Variants in PKD1L1 observed in about 807,000 individuals in gnomAD.
PKD1L1 encodes polycystin 1 like 1, transient receptor potential channel interacting.
A neutral mutation model predicts 323.4 loss-of-function variants in PKD1L1; 236 were observed. The ratio of observed to expected loss-of-function variants is 0.73; its 90% CI spans 0.66 to 0.81. The LOEUF is 0.81. Among genes scored for constraint, PKD1L1 ranks in the 40% least tolerant of loss-of-function variants. PKD1L1 has a pLI of 0.00. For missense variants in PKD1L1, 3,320 were observed against 3,508.0 expected (o/e 0.95, Z 1.35); for synonymous variants, 1,344 against 1,335.0 (o/e 1.01, Z -0.15).
chr7:47,794,952 T>C (rs1784485599), intron 55 of PKD1L1, among the ~76,000 whole-genome samples: 1 of 152,230 alleles, frequency 6.6e-6, no homozygotes, highest in Non-Finnish European at 1.5e-5. Context: ...ATTTACCCAA[T>C]CCCTGTACCC....
Position 47,908,125 on chromosome 7 carries a change from G to C in PKD1L1, c.1354C>G (p.His452Asp). Residue 452 changes from histidine to aspartate, a missense_variant, in exon 9 of 57, where the codon CAT (histidine) becomes GAT (aspartate). His to Asp is a moderately conservative substitution (Grantham distance 81). Transcript: ENST00000289672. ...GCAAAGACAAGCACTTCATCTTCAT[G>C]GACACTGCTGGAGTTCATGAACGCA... ...VSAFMNSSSVHEDEVLVFADS... is the reference protein window; with the variant it reads ...VSAFMNSSSVDEDEVLVFADS... The C allele has an allele frequency of 6.2e-7, 1 of 1,614,150 alleles. No individual in the cohort carries two copies. Among genetic ancestry groups the C allele is most frequent in the Non-Finnish European group, 8.5e-7 (1 of 1,180,034 alleles).
chr7:47,873,550 G>A (rs1786330270), intron 24 of PKD1L1, among the ~76,000 whole-genome samples: 1 of 150,876 alleles, frequency 6.6e-6, no homozygotes, highest in African/African-American at 2.4e-5. Context: ...AGGAGGCTGA[G>A]GCAGGAGAAT....
intron 42 of PKD1L1, among the ~76,000 whole-genome samples, chr7:47,830,453 A>G (rs1785324021): frequency 6.6e-6 from 1 of 152,264 alleles, no homozygotes; most frequent in South Asian, 2.1e-4. Context: ...AGCAACAACA[A>G]CAAAGCTGGA....
chr7:47,774,869 T>C lies in PKD1L1; in HGVS notation c.*274A>G. 1 of 388,908 alleles carries C rather than the reference T, an allele frequency of 2.6e-6. No homozygotes were observed. Among genetic ancestry groups the C allele is most frequent in the Non-Finnish European group, 4.6e-6 (1 of 217,270 alleles). The allele number at this position is 388,908 out of a possible 1,614,324, so 24.1% of individuals were successfully genotyped here. ...AGACAATATGTAACTCTAGGGCAAC[T>C]GGCAAATTAACCATTTGGGAGAAGG... On this transcript the variant is annotated 3_prime_UTR_variant, in exon 57 of 57. Coordinates refer to ENST00000289672, the MANE Select transcript of PKD1L1 (RefSeq NM_138295.5).
Position 47,915,484 on chromosome 7 carries a change from T to C in PKD1L1, c.1176A>G (p.Glu392=), listed in dbSNP as rs367973492. 1.6e-6 allele frequency: 2 copies of C among 1,278,948 alleles called. No individual in the cohort carries two copies. The highest frequency in any genetic ancestry group is 2.9e-5 in the African/African-American group (2 of 68,002). The allele number at this position is 1,278,948 out of a possible 1,614,324, so 79.2% of individuals were successfully genotyped here. ...ATCCAAGGTTACTGGGGTCTGAGTC[T>C]TCCAGGCAGCTGTTTTCACTTTGGC... The part of the protein sequence containing the change: ...YLCQSENSCL[E]DSDPSNLGYE... The change falls in exon 8 of 57, where the codon GAA becomes GAG. Residue 392 remains glutamate (E), a synonymous_variant. Coordinates refer to ENST00000289672, the MANE Select transcript of PKD1L1 (RefSeq NM_138295.5).
At chr7:47,925,242 G>A (rs1332878849) in intron 7 of PKD1L1, among the ~76,000 whole-genome samples, 3 of 152,194 alleles carry the variant, frequency 2.0e-5, no homozygotes, top group Non-Finnish European at 4.4e-5. Context: ...GGGTGCAGTG[G>A]TTCATGCCTA....
At chr7:47,948,653 T>G (rs141135351), upstream of PKD1L1, among the ~76,000 whole-genome samples, 141 of 152,294 alleles carry the variant, frequency 9.3e-4, no homozygotes, top group African/African-American at 3.2e-3. Context: ...GTCAGACAAA[T>G]TCCTTCCTAA....
Position 47,836,984 on chromosome 7 carries a change from G to A in PKD1L1, c.5880C>T (p.Ser1960=). ...ACGCGTAGACGCACAGCAGGGAGAA[G>A]GACACGGTGAGGCGCGGCGTGTGCA... ...RYLHTPRLTV[S]FSLLCVYACL... is the part of the protein sequence containing the mutation. Residue 1960 remains serine, a synonymous_variant, in exon 37 of 57, where the codon TCC becomes TCT. Coordinates refer to ENST00000289672, the MANE Select transcript of PKD1L1 (RefSeq NM_138295.5). The A allele has an allele frequency of 6.2e-7, 1 of 1,614,244 alleles. No homozygotes were observed.
At chr7:47,856,907 G>T (rs553207186) in intron 28 of PKD1L1, among the ~76,000 whole-genome samples, 1 of 143,856 alleles carries the variant, frequency 7.0e-6, no homozygotes, top group East Asian at 1.9e-4. Context: ...CTGGGGTCGG[G>T]GGCTACAGAA....
At chr7:47,875,333 A>G (rs1447034015) in intron 23 of PKD1L1, among the ~76,000 whole-genome samples, 3 of 152,238 alleles carry the variant, frequency 2.0e-5, no homozygotes, top group African/African-American at 7.2e-5. Context: ...GGTGAAACTT[A>G]AATAAATCAA....
chr7:47,930,084 A>G (rs1373762836), intron 6 of PKD1L1, among the ~76,000 whole-genome samples: 2 of 152,236 alleles, frequency 1.3e-5, no homozygotes, highest in African/African-American at 4.8e-5. Flanking sequence ...TATGTGTTAA[A>G]AGCTGGTCTT....
At chr7:47,950,191 C>T (rs1788183415), upstream of PKD1L1, among the ~76,000 whole-genome samples, 1 of 152,202 alleles carries the variant, frequency 6.6e-6, no homozygotes, top group Non-Finnish European at 1.5e-5. Context: ...ACAGAGTCCA[C>T]TGGGTAAAGA....
At chr7:47,960,151 T>C in the PKD1L1 span, among the ~76,000 whole-genome samples, 2 of 150,496 alleles carry the variant, frequency 1.3e-5, no homozygotes, top group African/African-American at 4.9e-5. Context: ...TGTGCTTTGT[T>C]AAACAGATGC....
intron 48 of PKD1L1, 123 bp from the exon 49 acceptor site, chr7:47,813,416 C>G: frequency 9.6e-7 from 1 of 1,039,208 alleles, no homozygotes; most frequent in South Asian, 1.4e-5. Context: ...GCACCCTTCT[C>G]TCCTCATAGG....
rs746632553 is a variant in PKD1L1 at position 47,808,373 on chromosome 7, T to C, written c.7701A>G (p.Gly2567=). 6.2e-7 allele frequency: 1 copy of C among 1,613,904 alleles called. No individual in the cohort carries two copies. Among genetic ancestry groups the C allele is most frequent in the Non-Finnish European group, 8.5e-7 (1 of 1,180,014 alleles). Residue 2567 remains glycine (G), a synonymous_variant, in exon 52 of 57, where the codon GGA becomes GGG. Coordinates refer to ENST00000289672, the MANE Select transcript of PKD1L1 (RefSeq NM_138295.5). ...PRNWLELSVV[G]VSLTYYAVSG... The stretch of plus-strand genomic sequence containing the variant: ...AAACTGCATAGTAGGTGAGGCTCAC[T>C]CCAACCACGGAGAGCTGGAACATCC...
upstream of PKD1L1, among the ~76,000 whole-genome samples, chr7:47,949,342 C>G (rs1387520011): frequency 7.9e-6 from 1 of 126,566 alleles, no homozygotes; most frequent in African/African-American, 3.1e-5. Context: ...ACACTCCAGC[C>G]TGGGCAACAG....
At chr7:47,958,957 G>C in the PKD1L1 span, among the ~76,000 whole-genome samples, 2 of 152,226 alleles carry the variant, frequency 1.3e-5, no homozygotes, top group Admixed American at 6.5e-5. Flanking sequence ...GAGTGCCTGC[G>C]ATTGCAGGCG....
At chr7:47,817,337 G>A (rs1430643063) in intron 46 of PKD1L1, among the ~76,000 whole-genome samples, 1 of 152,156 alleles carries the variant, frequency 6.6e-6, no homozygotes, top group African/African-American at 2.4e-5. Context: ...GTTATTAACT[G>A]TTTCCAGCAC....
intron 10 of PKD1L1, 109 bp from the exon 11 acceptor site, chr7:47,905,434 G>T: frequency 8.1e-7 from 1 of 1,238,700 alleles, no homozygotes; most frequent in Non-Finnish European, 1.1e-6. Context: ...GAGTGATGGT[G>T]AGGAAGCTCT....
Sources: gnomAD v4.1 joint callset for allele counts (sites outside exome capture counted in the v4.1 genomes callset) on GRCh38, gnomAD v4.1.1 for gene constraint, MANE v1.5 for transcripts, NCBI Gene and HGNC (gene_info 2026-07-23, HGNC 2026-07-21) for gene names.